The following RSPH14 variants were observed in gnomAD, a reference collection of about 807,000 sequenced individuals.
RSPH14 encodes rhabdoid tumor deletion region gene 1.
RSPH14 carries 20 observed loss-of-function variants against 26.7 expected under a neutral mutation model. The observed-to-expected ratio is 0.75, with a 90% confidence interval of 0.53 to 1.09. RSPH14 has a LOEUF of 1.09. Among genes scored for constraint, RSPH14 ranks in the 50% least tolerant of loss-of-function variants. The probability of loss-of-function intolerance (pLI) is 0.00; values close to 1 mark genes in which losing one functional copy is unlikely to be tolerated. For synonymous variants in RSPH14, 177 were observed against 189.3 expected (o/e 0.93, Z 0.53); for missense variants, 449 against 457.2 (o/e 0.98, Z 0.16).
At chr22:23,145,083 T>C (rs1228979314), upstream of RSPH14, 4 of 504,640 alleles carry the variant, frequency 7.9e-6, no homozygotes, top group Non-Finnish European at 1.4e-5. Context: ...CTTCTGCAGC[T>C]GCAGGGTGCT....
upstream of RSPH14, among the ~76,000 whole-genome samples, chr22:23,148,917 C>T: frequency 6.6e-6 from 1 of 152,348 alleles, no homozygotes; most frequent in East Asian, 1.9e-4. Flanking sequence ...AGCTGCTCAC[C>T]TGCATTATTC....
At chr22:23,121,720 C>CTTTT (rs10598505) in intron 4 of RSPH14, among the ~76,000 whole-genome samples, 1 of 123,182 alleles carries the variant, frequency 8.1e-6, no homozygotes, top group Non-Finnish European at 1.7e-5. Flanking sequence ...AGAAAAGTTC[C>CTTTT]TTTTTTTTTT....
chr22:23,070,416 A>G (rs1347526551), intron 4 of RSPH14: 1 of 146,236 alleles, frequency 6.8e-6, no homozygotes, highest in Admixed American at 6.8e-5. Context: ...GGCCGGCCGG[A>G]GCGTGTGCGC....
At chr22:23,099,707 G>A (rs528504716) in intron 4 of RSPH14, among the ~76,000 whole-genome samples, 5 of 152,298 alleles carry the variant, frequency 3.3e-5, no homozygotes, top group African/African-American at 9.6e-5. Flanking sequence ...TCTGCCCCTC[G>A]TCTTTAGTAC....
chr22:23,150,208 A>G, the RSPH14 span: 1 of 1,371,592 alleles, frequency 7.3e-7, no homozygotes. Context: ...GAATGAGTGC[A>G]TGAAGCACGT....
chr22:23,122,958 G>C, intron 4 of RSPH14: 3 of 638,542 alleles, frequency 4.7e-6, no homozygotes, highest in Non-Finnish European at 8.3e-6. Flanking sequence ...CCAGCAGAAG[G>C]AGGTGCCATT....
In RSPH14 at chr22:23,096,301, G is replaced by C. The variant is rs201266285; in HGVS notation, c.422-32168C>G. The C allele has an allele frequency of 4.3e-5, 69 of 1,613,856 alleles. No individual in the cohort carries two copies. In the East Asian group the frequency reaches 1.2e-3, roughly 28 times the overall value. ...AGCTCACCTTCAAGATGGTGGACGT[G>C]GGGGGGCAGAGGTCAGAGCGCAAAA... On this transcript the variant is annotated intron_variant, in intron 4 of 6. Coordinates refer to ENST00000216036, the MANE Select transcript of RSPH14 (RefSeq NM_014433.3).
chr22:23,101,981 T>C (rs2069314851), intron 4 of RSPH14, among the ~76,000 whole-genome samples: 1 of 152,196 alleles, frequency 6.6e-6, no homozygotes, highest in Non-Finnish European at 1.5e-5. Flanking sequence ...CTATGGCCTG[T>C]TATCCTACCC....
intron 4 of RSPH14, among the ~76,000 whole-genome samples, chr22:23,130,139 GA>G (rs927268058): frequency 1.8e-5 from 2 of 110,730 alleles, no homozygotes; most frequent in East Asian, 2.7e-4. Flanking sequence ...AAGAAAGAAA[GA>G]AAGAAAGAAA....
intron 4 of RSPH14, among the ~76,000 whole-genome samples, chr22:23,113,523 A>C (rs971746034): frequency 6.6e-6 from 1 of 152,214 alleles, no homozygotes; most frequent in Non-Finnish European, 1.5e-5. Context: ...GGATTCCAGG[A>C]CTGGCTGGGG....
Position 23,073,229 on chromosome 22 carries a change from C to T in RSPH14, c.422-9096G>A, listed in dbSNP as rs2068422951. On this transcript the variant is annotated intron_variant, in intron 4 of 6. Coordinates refer to ENST00000216036, the MANE Select transcript of RSPH14 (RefSeq NM_014433.3). ...CAGCATGCTGCTCTCCCGAACCCTC[C>T]AGCAAGGAAACCTGGGGTAGCCAAG... 2.0e-5 allele frequency among the ~76,000 whole-genome samples: 3 copies of T among 152,256 alleles called. No individual in the cohort carries two copies. The South Asian group carries it at 6.2e-4, about 31-fold the overall frequency.
chr22:23,159,024 G>A, the RSPH14 span: 384 of 1,600,814 alleles, frequency 2.4e-4, no homozygotes, highest in East Asian at 5.6e-3. Flanking sequence ...TTGGGAAAAT[G>A]CCTCCCCTTA....
intron 4 of RSPH14, among the ~76,000 whole-genome samples, chr22:23,065,184 A>G (rs1434450295): frequency 2.6e-5 from 4 of 152,214 alleles, no homozygotes; most frequent in African/African-American, 4.8e-5. Context: ...AGTGCCAATT[A>G]GTACCAGGGA....
At chr22:23,117,004 C>T (rs940620498) in intron 4 of RSPH14, among the ~76,000 whole-genome samples, 3 of 152,162 alleles carry the variant, frequency 2.0e-5, no homozygotes, top group South Asian at 2.1e-4. Flanking sequence ...GGAATATGCG[C>T]GCACCTGCTG....
the RSPH14 span, among the ~76,000 whole-genome samples, chr22:23,174,811 A>G: frequency 7.9e-5 from 12 of 152,066 alleles, no homozygotes; most frequent in East Asian, 2.3e-3. Context: ...TCTACTAAAA[A>G]TACAAAATTA....
chr22:23,172,862 A>G, the RSPH14 span, among the ~76,000 whole-genome samples: 1 of 151,718 alleles, frequency 6.6e-6, no homozygotes, highest in Admixed American at 6.6e-5. Context: ...AGGCAGGAGA[A>G]TGGCATGAAC....
Position 23,087,616 on chromosome 22 carries a change from T to C in RSPH14, c.422-23483A>G, listed in dbSNP as rs187046799. On this transcript the variant is annotated intron_variant, in intron 4 of 6. Coordinates refer to ENST00000216036, the MANE Select transcript of RSPH14 (RefSeq NM_014433.3). ...GTTATTATTACTCAAATCAGTCTCCTGGAGCATTCAGGAAGCAAAGTTTTT... is the reference window on the plus strand; with the variant it reads ...GTTATTATTACTCAAATCAGTCTCCCGGAGCATTCAGGAAGCAAAGTTTTT... Among the ~76,000 whole-genome samples the C allele has an allele frequency of 2.6e-4, 39 of 152,332 alleles. 1 individual carries two copies. Among genetic ancestry groups the C allele is most frequent in the Middle Eastern group, 6.8e-3 (2 of 294 alleles).
At chr22:23,126,801 G>A (rs560357038) in intron 4 of RSPH14, among the ~76,000 whole-genome samples, 20 of 152,308 alleles carry the variant, frequency 1.3e-4, no homozygotes, top group South Asian at 8.3e-4. Flanking sequence ...CCTACTTCAC[G>A]CAGCCCCAGC....
intron 4 of RSPH14, among the ~76,000 whole-genome samples, chr22:23,092,674 C>T (rs1186555620): frequency 2.0e-5 from 3 of 152,218 alleles, no homozygotes; most frequent in Non-Finnish European, 4.4e-5. Context: ...TTCCAGACAA[C>T]AGCAGTTCAG....
Sources: allele counts gnomAD v4.1 joint callset (sites outside exome capture counted in the v4.1 genomes callset), GRCh38; gene constraint gnomAD v4.1.1; transcripts MANE v1.5; gene names NCBI Gene and HGNC (gene_info 2026-07-23, HGNC 2026-07-21).